The following BMPR1B variants were observed in gnomAD, a reference collection of about 807,000 sequenced individuals.
The protein encoded by BMPR1B is bone morphogenetic protein receptor type-1B.
Under a neutral mutation model 59.1 loss-of-function variants are expected in BMPR1B, and 12 were observed. The observed-to-expected ratio is 0.20, with a 90% CI of 0.13 to 0.33. The LOEUF is 0.33. Ranked by LOEUF, BMPR1B falls within the 10% of genes least tolerant of loss-of-function variation. The pLI, the probability that BMPR1B is intolerant of heterozygous loss-of-function variation, is 1.00. For synonymous variants in BMPR1B, 237 were observed against 207.3 expected (o/e 1.14, Z -1.23); for missense variants, 550 against 610.9 (o/e 0.90, Z 1.05).
At chr4:94,962,352 G>A (rs1730402754) in intron 2 of BMPR1B, among the ~76,000 whole-genome samples, 1 of 152,040 alleles carries the variant, frequency 6.6e-6, no homozygotes, top group African/African-American at 2.4e-5. Context: ...TGGCCAGGCT[G>A]GTCTTGAACC....
intron 1 of BMPR1B, among the ~76,000 whole-genome samples, chr4:94,824,403 T>C (rs1419641833): frequency 3.9e-5 from 6 of 152,226 alleles, no homozygotes; most frequent in Non-Finnish European, 8.8e-5. Flanking sequence ...TTTACTGCAC[T>C]GTGAGCATGT....
chr4:94,904,964 A>G (rs2149004638), intron 2 of BMPR1B, among the ~76,000 whole-genome samples: 1 of 152,202 alleles, frequency 6.6e-6, no homozygotes, highest in African/African-American at 2.4e-5. Context: ...TCTCTTTTCA[A>G]TAACTCTGAG....
chr4:95,036,188 G>T (rs761846345), intron 3 of BMPR1B, among the ~76,000 whole-genome samples: 1 of 151,996 alleles, frequency 6.6e-6, no homozygotes, highest in South Asian at 2.1e-4. Flanking sequence ...TCGTATCAGG[G>T]CAAATGGGGT....
chr4:94,931,890 A>G (rs1056698011), intron 2 of BMPR1B, among the ~76,000 whole-genome samples: 59 of 151,968 alleles, frequency 3.9e-4, no homozygotes, highest in African/African-American at 1.4e-3. Flanking sequence ...GGGCCTGACT[A>G]GGGTTGGTGG....
rs547388172 is a variant in BMPR1B at position 95,087,656 on chromosome 4, C to T, written c.-17-16752C>T. Among the ~76,000 whole-genome samples, 11 of 152,120 alleles carry T rather than the reference C, an allele frequency of 7.2e-5. No individual in the cohort carries two copies. In the South Asian group the frequency reaches 8.3e-4, roughly 11 times the overall value. The stretch of plus-strand genomic sequence containing the variant: ...CTGAGGTGGGAGGATCACTTAAGCA[C>T]GGGAGATTGAGGCTGCAGTTAGCTG... On this transcript the variant is annotated intron_variant, in intron 3 of 12. Coordinates refer to ENST00000515059, the MANE Select transcript of BMPR1B (RefSeq NM_001203.3).
chr4:95,149,920 A>C (rs1289665665), intron 11 of BMPR1B, among the ~76,000 whole-genome samples: 1 of 152,214 alleles, frequency 6.6e-6, no homozygotes, highest in African/African-American at 2.4e-5. Flanking sequence ...GTATGGTTTC[A>C]ATGTAAAGAT....
intron 2 of BMPR1B, among the ~76,000 whole-genome samples, chr4:94,916,971 G>T (rs562436021): frequency 1.3e-5 from 2 of 152,362 alleles, no homozygotes; most frequent in East Asian, 3.9e-4. Flanking sequence ...TGGCAGCCAT[G>T]TCTCAAAGGG....
intron 3 of BMPR1B, among the ~76,000 whole-genome samples, chr4:95,064,790 A>T (rs922387479): frequency 6.6e-6 from 1 of 152,206 alleles, no homozygotes; most frequent in African/African-American, 2.4e-5. Context: ...AATGCTCAGC[A>T]TCCTGTTATC....
chr4:95,058,355 G>T (rs904380931), intron 3 of BMPR1B, among the ~76,000 whole-genome samples: 5 of 152,068 alleles, frequency 3.3e-5, no homozygotes, highest in African/African-American at 1.2e-4. Flanking sequence ...ATTGTCTTTG[G>T]TTCGTAGTTT....
Position 94,967,251 on chromosome 4 carries a change from T to C in BMPR1B, c.-112-28789T>C, listed in dbSNP as rs542232947. Among the ~76,000 whole-genome samples the C allele has an allele frequency of 5.3e-5, 8 of 152,302 alleles. No homozygotes were observed. The East Asian group carries it at 1.4e-3, about 26-fold the overall frequency. ...TGCTAAGTAGAAGTAGAAACACCTTTAACATCTTCTTAGGGTAATGATTGA... is the reference window on the plus strand; with the variant it reads ...TGCTAAGTAGAAGTAGAAACACCTTCAACATCTTCTTAGGGTAATGATTGA... On this transcript the variant is annotated intron_variant, in intron 2 of 12. Transcript: ENST00000515059.
In BMPR1B at chr4:94,772,186, G is replaced by A. The variant is rs537749672; in HGVS notation, c.-183+14118G>A. Among the ~76,000 whole-genome samples the A allele has an allele frequency of 3.3e-5, 5 of 152,296 alleles. No homozygotes were observed. In the East Asian group the frequency reaches 9.6e-4, roughly 29 times the overall value. On this transcript the variant is annotated intron_variant, in intron 1 of 12. Transcript: ENST00000515059. ...ATGACTGCAGCAGTTTTCCAGGCTGGTTTGCAGCCTGCCCATACTGTCATC... is the reference window on the plus strand; with the variant it reads ...ATGACTGCAGCAGTTTTCCAGGCTGATTTGCAGCCTGCCCATACTGTCATC...
intron 3 of BMPR1B, among the ~76,000 whole-genome samples, chr4:95,029,491 C>T (rs1386323012): frequency 1.3e-5 from 2 of 152,108 alleles, no homozygotes; most frequent in African/African-American, 4.8e-5. Context: ...TTAATCCAGT[C>T]TATCATTGTT....
intron 3 of BMPR1B, among the ~76,000 whole-genome samples, chr4:95,001,930 A>C (rs989242728): frequency 6.6e-6 from 1 of 152,042 alleles, no homozygotes; most frequent in Admixed American, 6.6e-5. Flanking sequence ...CTCTGGTAAA[A>C]TTTGCTTGTA....
chr4:95,129,775 A>G (rs1392699969), intron 8 of BMPR1B, 87 bp from the exon 9 acceptor site: 6 of 1,287,396 alleles, frequency 4.7e-6, no homozygotes, highest in Non-Finnish European at 6.7e-6. Flanking sequence ...TTTTACATGC[A>G]GTAATCGTTT....
chr4:94,943,530 T>G (rs886228648), intron 2 of BMPR1B, among the ~76,000 whole-genome samples: 2 of 152,332 alleles, frequency 1.3e-5, no homozygotes, highest in Non-Finnish European at 2.9e-5. Flanking sequence ...TAGGTTTGTT[T>G]GAAAGTTAAA....
chr4:95,073,175 A>G (rs1728448567), intron 3 of BMPR1B, among the ~76,000 whole-genome samples: 1 of 152,194 alleles, frequency 6.6e-6, no homozygotes, highest in African/African-American at 2.4e-5. Context: ...TCAGCAGTGA[A>G]TTAGAAGTGG....
rs139674754 is a variant in BMPR1B, at chr4:95,009,296, G to A, written c.-18+13162G>A. ...ATCCTATAGAAATTTTTGCTTGTAT[G>A]CCTCAGGAAATAGGTATGCAATTTT... On this transcript the variant is annotated intron_variant, in intron 3 of 12. Coordinates refer to ENST00000515059, the MANE Select transcript of BMPR1B (RefSeq NM_001203.3). Among the ~76,000 whole-genome samples the A allele has an allele frequency of 7.0e-3, 1,070 of 152,188 alleles. 9 individuals carry two copies. The highest frequency in any genetic ancestry group is 0.023 in the African/African-American group (956 of 41,526).
intron 2 of BMPR1B, among the ~76,000 whole-genome samples, chr4:94,939,162 A>G (rs958851867): frequency 7.2e-5 from 11 of 152,182 alleles, no homozygotes; most frequent in African/African-American, 2.7e-4. Flanking sequence ...CTTTCAGCAA[A>G]GGATGAAGGA....
At chr4:94,997,633 C>T (rs1722152752) in intron 3 of BMPR1B, among the ~76,000 whole-genome samples, 1 of 152,064 alleles carries the variant, frequency 6.6e-6, no homozygotes, top group South Asian at 2.1e-4. Flanking sequence ...TGTACTTCTT[C>T]CAATTCTGCC....
Sources: gnomAD v4.1 joint callset for allele counts (sites outside exome capture counted in the v4.1 genomes callset) on GRCh38, gnomAD v4.1.1 for gene constraint, MANE v1.5 for transcripts, NCBI Gene and HGNC (gene_info 2026-07-23, HGNC 2026-07-21) for gene names.